TGFA: variants seen among roughly 807,000 people sequenced by gnomAD.
TGFA encodes transforming growth factor alpha.
TGFA carries 12 observed loss-of-function variants against 21.7 expected under a neutral mutation model. The ratio of observed to expected loss-of-function variants is 0.55; its 90% CI spans 0.35 to 0.90. The LOEUF is 0.90. Among genes scored for constraint, TGFA ranks in the 40% least tolerant of loss-of-function variants. The pLI is 0.01. For missense variants in TGFA, 178 were observed against 210.8 expected (o/e 0.84, Z 0.96); for synonymous variants, 79 against 88.1 (o/e 0.90, Z 0.58).
intron 1 of TGFA, among the ~76,000 whole-genome samples, chr2:70,538,396 G>T (rs1307806486): frequency 6.6e-6 from 1 of 152,192 alleles, no homozygotes; most frequent in East Asian, 1.9e-4. Context: ...TGATTCTGCT[G>T]ATGGGTCTGG....
chr2:70,540,711 C>T (rs1203160724), intron 1 of TGFA, among the ~76,000 whole-genome samples: 2 of 152,124 alleles, frequency 1.3e-5, no homozygotes, highest in African/African-American at 4.8e-5. Flanking sequence ...AAAAAAATTA[C>T]ACTTTTAGTA....
At chr2:70,497,760 A>C (rs534154706) in intron 2 of TGFA, among the ~76,000 whole-genome samples, 1 of 152,336 alleles carries the variant, frequency 6.6e-6, no homozygotes, top group South Asian at 2.1e-4. Flanking sequence ...TGTCAGCCTG[A>C]CCAGTAAGAA....
Position 70,504,474 on chromosome 2 carries a change from A to G in TGFA, c.94+10385T>C, listed in dbSNP as rs1401852720. On this transcript the variant is annotated intron_variant, in intron 2 of 5. Coordinates refer to ENST00000295400, the MANE Select transcript of TGFA (RefSeq NM_003236.4). ...TATATATATATATATACACACATACATACATACATACACACACACACACAC... is the reference window on the plus strand; with the variant it reads ...TATATATATATATATACACACATACGTACATACATACACACACACACACAC... 2.0e-5 allele frequency among the ~76,000 whole-genome samples: 2 copies of G among 99,190 alleles called. 1 individual carries two copies. Among genetic ancestry groups the G allele is most frequent in the African/African-American group, 9.8e-5 (2 of 20,496 alleles). 65.1% of individuals were successfully genotyped at this position (99,190 alleles called of 152,430 possible).
intron 1 of TGFA, among the ~76,000 whole-genome samples, chr2:70,521,097 TA>T (rs534574454): frequency 0.013 from 1,872 of 148,414 alleles, 43 homozygotes; most frequent in Admixed American, 0.048. Context: ...GCCAACAGCT[TA>T]AAAAAAAAAA....
chr2:70,493,534 T>G (rs1671493808), intron 2 of TGFA, among the ~76,000 whole-genome samples: 1 of 152,122 alleles, frequency 6.6e-6, no homozygotes, highest in Non-Finnish European at 1.5e-5. Flanking sequence ...TGTGTTTGCC[T>G]CCACAGTACC....
At chr2:70,496,568 T>C (rs1553498373) in intron 2 of TGFA, among the ~76,000 whole-genome samples, 1 of 152,206 alleles carries the variant, frequency 6.6e-6, no homozygotes, top group East Asian at 1.9e-4. Flanking sequence ...AAATATTGGC[T>C]CTTTGTGACT....
At chr2:70,508,266 G>T (rs574181333) in intron 2 of TGFA, among the ~76,000 whole-genome samples, 2 of 152,166 alleles carry the variant, frequency 1.3e-5, no homozygotes, top group African/African-American at 4.8e-5. Flanking sequence ...CCTACACGGC[G>T]AAACCCTGTC....
intron 3 of TGFA, among the ~76,000 whole-genome samples, chr2:70,460,680 G>T (rs763720922): frequency 7.9e-5 from 12 of 152,172 alleles, no homozygotes; most frequent in Non-Finnish European, 1.6e-4. Flanking sequence ...GTGCTCTGGG[G>T]GCTGGTGGGG....
In TGFA at chr2:70,465,678, G is replaced by A. The variant is rs782117728; in HGVS notation, c.153C>T (p.His51=). 3 of 1,614,184 alleles carry A rather than the reference G, an allele frequency of 1.9e-6. No individual in the cohort carries two copies. The highest frequency in any genetic ancestry group is 1.7e-5 in the Admixed American group (1 of 60,022). The change falls in exon 3 of 6, where the codon CAC becomes CAT. Residue 51 remains histidine, a synonymous_variant. Coordinates refer to ENST00000295400, the MANE Select transcript of TGFA (RefSeq NM_003236.4). The part of the protein sequence containing the change: ...VSHFNDCPDS[H]TQFCFHGTCR... Reference sequence around the variant, plus strand: ...AGGTTCCATGGAAGCAGAACTGAGTGTGGGAATCTGGGCAGTCATTAAAAT... The same window carrying A: ...AGGTTCCATGGAAGCAGAACTGAGTATGGGAATCTGGGCAGTCATTAAAAT...
chr2:70,542,252 G>A (rs1409892477), intron 1 of TGFA, among the ~76,000 whole-genome samples: 4 of 152,148 alleles, frequency 2.6e-5, no homozygotes, highest in African/African-American at 9.7e-5. Context: ...ATCAGCTTCA[G>A]CCACTTTTGT....
chr2:70,466,530 C>A (rs1670570325), intron 2 of TGFA, among the ~76,000 whole-genome samples: 1 of 151,812 alleles, frequency 6.6e-6, no homozygotes, highest in South Asian at 2.1e-4. Context: ...ACCAAAAAAA[C>A]AAACAAACAA....
chr2:70,466,480 A>C (rs1670566954), intron 2 of TGFA, among the ~76,000 whole-genome samples: 1 of 152,130 alleles, frequency 6.6e-6, no homozygotes, highest in Non-Finnish European at 1.5e-5. Context: ...TGCACTCTGC[A>C]CTCCAGCCTG....
rs541350690 is a variant in TGFA, at chr2:70,458,525, C to T, written c.216-2037G>A. On this transcript the variant is annotated intron_variant, in intron 3 of 5. Transcript: ENST00000295400. ...AGCCCAGTGTTAAATCCACACACTGCACCTAGCACAGTTCCCAGCATGTGG... is the reference window on the plus strand; with the variant it reads ...AGCCCAGTGTTAAATCCACACACTGTACCTAGCACAGTTCCCAGCATGTGG... Among the ~76,000 whole-genome samples the T allele has an allele frequency of 2.6e-5, 4 of 152,246 alleles. No individual in the cohort carries two copies. The East Asian group carries it at 7.7e-4, about 29-fold the overall frequency.
intron 5 of TGFA, chr2:70,451,708 A>G (rs1553489625): frequency 1.5e-6 from 1 of 688,178 alleles, no homozygotes. Flanking sequence ...TGGTGCTAAA[A>G]GAAAAAATAA....
At chr2:70,496,127 C>T (rs1421096901) in intron 2 of TGFA, among the ~76,000 whole-genome samples, 3 of 152,090 alleles carry the variant, frequency 2.0e-5, no homozygotes, top group Admixed American at 6.5e-5. Flanking sequence ...CTGAAGGCCC[C>T]GAGACTGGGG....
intron 2 of TGFA, among the ~76,000 whole-genome samples, chr2:70,490,322 T>C (rs1211400458): frequency 6.6e-6 from 1 of 152,226 alleles, no homozygotes; most frequent in African/African-American, 2.4e-5. Flanking sequence ...AGATAAGATA[T>C]TCTCTCTCCC....
At chr2:70,451,079 T>A (rs898943227) in intron 5 of TGFA, among the ~76,000 whole-genome samples, 1 of 151,844 alleles carries the variant, frequency 6.6e-6, no homozygotes, top group African/African-American at 2.4e-5. Context: ...GAGAGACTGA[T>A]TGAAAGTGAG....
intron 1 of TGFA, among the ~76,000 whole-genome samples, chr2:70,544,380 T>C (rs1416943342): frequency 5.3e-5 from 8 of 150,642 alleles, no homozygotes; most frequent in African/African-American, 2.0e-4. Flanking sequence ...GGCAAAGTTA[T>C]TATTATTCAA....
chr2:70,507,286 A>T (rs925918848), intron 2 of TGFA, among the ~76,000 whole-genome samples: 1 of 152,396 alleles, frequency 6.6e-6, no homozygotes, highest in African/African-American at 2.4e-5. Flanking sequence ...GACACTGGAA[A>T]AACAGGAAAG....
Sources: allele counts gnomAD v4.1 joint callset (sites outside exome capture counted in the v4.1 genomes callset), GRCh38; gene constraint gnomAD v4.1.1; transcripts MANE v1.5; gene names NCBI Gene and HGNC (gene_info 2026-07-23, HGNC 2026-07-21).